Variants in PRKAR2B observed in about 807,000 individuals in gnomAD.
PRKAR2B encodes protein kinase cAMP-dependent type II regulatory subunit beta, also known as cAMP-dependent protein kinase type II-beta regulatory subunit.
Under a neutral mutation model 49.9 loss-of-function variants are expected in PRKAR2B, and 14 were observed. That is an observed-to-expected ratio of 0.28 (90% CI 0.19 to 0.44). The LOEUF (loss-of-function observed/expected upper bound fraction) is 0.44. PRKAR2B is among the 20% of genes least tolerant of loss of function. The pLI is 1.00. For synonymous variants in PRKAR2B, 196 were observed against 197.7 expected, an observed-to-expected ratio of 0.99 and a Z score of 0.07; for missense variants, 393 against 537.9, an observed-to-expected ratio of 0.73 and a Z score of 2.67.
chr7:107,094,300 A>G (rs6466158), intron 2 of PRKAR2B, among the ~76,000 whole-genome samples: 60,589 of 152,080 alleles, frequency 0.4, 14,797 homozygotes, highest in Non-Finnish European at 0.52. Flanking sequence ...TGGCTGCATA[A>G]ATGTCTTCTT....
At chr7:107,074,841 G>A (rs1293064922) in intron 2 of PRKAR2B, among the ~76,000 whole-genome samples, 1 of 151,998 alleles carries the variant, frequency 6.6e-6, no homozygotes, top group Non-Finnish European at 1.5e-5. Context: ...GGTGGTAGTA[G>A]TAGTAGCAGC....
In PRKAR2B at chr7:107,130,224, G is replaced by T. The variant is rs1220698147; in HGVS notation, c.480+1929G>T. On this transcript the variant is annotated intron_variant, in intron 4 of 10. Transcript: ENST00000265717. ...CTTGTTAAAAGTTATGCCGGGCCGGGCGTGGTGGCTCATGCCTGTAATCCC... is the reference window on the plus strand; with the variant it reads ...CTTGTTAAAAGTTATGCCGGGCCGGTCGTGGTGGCTCATGCCTGTAATCCC... Among the ~76,000 whole-genome samples, 3 of 152,188 alleles carry T rather than the reference G, an allele frequency of 2.0e-5. No individual in the cohort carries two copies. The South Asian group carries it at 6.2e-4, about 32-fold the overall frequency.
At chr7:107,065,254 TTAAC>T (rs977537034) in intron 1 of PRKAR2B, among the ~76,000 whole-genome samples, 6 of 152,152 alleles carry the variant, frequency 3.9e-5, no homozygotes, top group Non-Finnish European at 5.9e-5. Context: ...AAAGGCTAAT[TTAAC>T]TAACACAGCT....
intron 2 of PRKAR2B, among the ~76,000 whole-genome samples, chr7:107,079,814 G>T (rs1794482083): frequency 6.6e-6 from 1 of 152,178 alleles, no homozygotes; most frequent in African/African-American, 2.4e-5. Flanking sequence ...TGAGAAACAA[G>T]GACACTCTGG....
chr7:107,061,251 G>A (rs963110410), intron 1 of PRKAR2B, among the ~76,000 whole-genome samples: 1 of 151,944 alleles, frequency 6.6e-6, no homozygotes, highest in African/African-American at 2.4e-5. Flanking sequence ...TTTAGGATAT[G>A]CTTCTTCAGT....
intron 1 of PRKAR2B, among the ~76,000 whole-genome samples, chr7:107,053,421 G>C (rs930332021): frequency 2.0e-5 from 3 of 152,018 alleles, no homozygotes; most frequent in Non-Finnish European, 4.4e-5. Context: ...CCCCGTTTTG[G>C]AGACTACAGC....
At chr7:107,099,775 C>T (rs1170590784) in intron 2 of PRKAR2B, among the ~76,000 whole-genome samples, 1 of 151,948 alleles carries the variant, frequency 6.6e-6, no homozygotes, top group Non-Finnish European at 1.5e-5. Context: ...GCTGGGACTA[C>T]AGGCCCCCAC....
At chr7:107,146,781 C>T (rs1260132397) in intron 6 of PRKAR2B, among the ~76,000 whole-genome samples, 2 of 152,170 alleles carry the variant, frequency 1.3e-5, no homozygotes, top group Admixed American at 6.5e-5. Flanking sequence ...TACTTTTTCT[C>T]AGATAGCTTT....
chr7:107,071,187 C>A (rs1048118577), intron 2 of PRKAR2B, among the ~76,000 whole-genome samples: 1 of 152,012 alleles, frequency 6.6e-6, no homozygotes, highest in African/African-American at 2.4e-5. Flanking sequence ...TTTTGTTAAA[C>A]CCAAGATAAA....
At chr7:107,140,205 A>G (rs1166810793) in intron 4 of PRKAR2B, among the ~76,000 whole-genome samples, 4 of 152,212 alleles carry the variant, frequency 2.6e-5, no homozygotes, top group Non-Finnish European at 5.9e-5. Context: ...TACATAGTTT[A>G]ATTAGTTGTT....
intron 5 of PRKAR2B, among the ~76,000 whole-genome samples, chr7:107,143,998 G>C (rs1795838612): frequency 6.6e-6 from 1 of 152,086 alleles, no homozygotes; most frequent in Non-Finnish European, 1.5e-5. Context: ...AATTCTAGTA[G>C]TTTCCCTTGA....
intron 2 of PRKAR2B, among the ~76,000 whole-genome samples, chr7:107,090,113 T>C (rs184540788): frequency 6.6e-6 from 1 of 152,224 alleles, no homozygotes. Context: ...TTCAATCAAG[T>C]GAAAAGGGGG....
At position 107,118,060 on chromosome 7, in the gene PRKAR2B, G is replaced by A. The variant is rs544877137; in HGVS notation, c.344-3892G>A. ...AGTTTCAAGCTAAATTTCAGATTGC[G>A]TAGGAGGCATGGGGCAAATATGTTT... is the stretch of plus-strand genomic sequence containing the variant. On this transcript the variant is annotated intron_variant, in intron 2 of 10. Transcript: ENST00000265717. 7.1e-4 allele frequency among the ~76,000 whole-genome samples: 108 copies of A among 152,312 alleles called. 2 individuals are homozygous for A. The South Asian group carries it at 0.013, about 18-fold the overall frequency.
intron 1 of PRKAR2B, among the ~76,000 whole-genome samples, chr7:107,063,065 A>T (rs1477334946): frequency 6.6e-6 from 1 of 152,094 alleles, no homozygotes; most frequent in Non-Finnish European, 1.5e-5. Flanking sequence ...GTGCGGTGGT[A>T]CGATCTGAGC....
chr7:107,069,519 T>C (rs557915542), intron 1 of PRKAR2B: 1 of 152,306 alleles, frequency 6.6e-6, no homozygotes, highest in Non-Finnish European at 1.5e-5. Flanking sequence ...GAGCCAGAAA[T>C]GTACCTGCTT....
At position 107,044,883 on chromosome 7, in the gene PRKAR2B, A is replaced by AGGCGCCTGCCGCCCC. The variant is rs1793657804; in HGVS notation, c.-22_-8dup. The AGGCGCCTGCCGCCCC allele has an allele frequency of 6.4e-7, 1 of 1,566,862 alleles. No homozygotes were observed. ...CGGGGAGGGGGCGAGGGCGGCGCCC[A>AGGCGCCTGCCGCCCC]GGCGCCTGCCGCCCCGGAGGCAGGA... On this transcript the variant is annotated 5_prime_UTR_variant, in exon 1 of 11. Coordinates refer to ENST00000265717, the MANE Select transcript of PRKAR2B (RefSeq NM_002736.3).
chr7:107,147,399 C>CATTT (rs1468184578), intron 6 of PRKAR2B, among the ~76,000 whole-genome samples: 2 of 152,172 alleles, frequency 1.3e-5, no homozygotes, highest in African/African-American at 2.4e-5. Context: ...CTTTTAAATA[C>CATTT]ATTTCTTAAT....
intron 1 of PRKAR2B, among the ~76,000 whole-genome samples, chr7:107,047,984 G>A (rs530530001): frequency 2.6e-5 from 4 of 152,254 alleles, no homozygotes; most frequent in East Asian, 3.9e-4. Flanking sequence ...CATAATTGCC[G>A]TTAGTTGACA....
At chr7:107,067,307 G>A (rs1794171269) in intron 1 of PRKAR2B, 1 of 152,156 alleles carries the variant, frequency 6.6e-6, no homozygotes, top group Non-Finnish European at 1.5e-5. Flanking sequence ...AGTTTGTACA[G>A]GAAACATTTG....
Sources: allele counts gnomAD v4.1 joint callset (sites outside exome capture counted in the v4.1 genomes callset), GRCh38; gene constraint gnomAD v4.1.1; transcripts MANE v1.5; gene names NCBI Gene and HGNC (gene_info 2026-07-23, HGNC 2026-07-21).